BCAS3: variants seen among roughly 807,000 people sequenced by gnomAD.
BCAS3 encodes the protein BCAS3 microtubule associated cell migration factor, also known as BCAS4/BCAS3 fusion.
Under a neutral mutation model 116.1 loss-of-function variants are expected in BCAS3, and 53 were observed. That is an observed-to-expected ratio of 0.46 (90% confidence interval 0.37 to 0.57). The LOEUF is 0.57. Among genes scored for constraint, BCAS3 ranks in the 20% least tolerant of loss-of-function variants. The probability of loss-of-function intolerance (pLI) is 0.00; values close to 1 mark genes in which losing one functional copy is unlikely to be tolerated. For synonymous variants in BCAS3, 391 were observed against 408.2 expected, an observed-to-expected ratio of 0.96 and a Z score of 0.51; for missense variants, 917 against 1,165.4, an observed-to-expected ratio of 0.79 and a Z score of 3.10.
At chr17:61,262,508 G>A (rs543079743) in intron 22 of BCAS3, among the ~76,000 whole-genome samples, 3 of 152,088 alleles carry the variant, frequency 2.0e-5, no homozygotes, top group Non-Finnish European at 4.4e-5. Flanking sequence ...AGCCTCCCAA[G>A]TAGCTGGGAT....
chr17:60,975,541 T>A (rs1175588658), intron 14 of BCAS3, among the ~76,000 whole-genome samples: 1 of 152,214 alleles, frequency 6.6e-6, no homozygotes, highest in Non-Finnish European at 1.5e-5. Context: ...GACAGATTTG[T>A]TGAGGTATAA....
intron 12 of BCAS3, among the ~76,000 whole-genome samples, chr17:60,913,413 A>G (rs1397406037): frequency 1.3e-5 from 2 of 152,054 alleles, no homozygotes; most frequent in Non-Finnish European, 2.9e-5. Flanking sequence ...AAATATATAT[A>G]ATTTGTAAAG....
rs2055563611 is a variant in BCAS3, at chr17:61,324,448, A to G, written c.2426-43879A>G. Among the ~76,000 whole-genome samples, 2 of 152,294 alleles carry G rather than the reference A, an allele frequency of 1.3e-5. No homozygotes were observed. The highest frequency in any genetic ancestry group is 2.4e-5 in the African/African-American group (1 of 41,558). On this transcript the variant is annotated intron_variant, in intron 22 of 23. Transcript: ENST00000407086. The surrounding 1 kb of genome is among the most constrained non-coding windows in gnomAD (Gnocchi z 4.6). ...TATGTGTGGTAGTATTAATATATGT[A>G]CATGTAATATTTGTGTGCGTTTAAT...
chr17:61,388,496 T>A lies in BCAS3; in HGVS notation c.2594-3481T>A. The A allele has an allele frequency of 1.2e-6, 1 of 850,854 alleles. No homozygotes were observed. The highest frequency in any genetic ancestry group is 2.5e-5 in the Admixed American group (1 of 39,298). The allele number at this position is 850,854 out of a possible 1,614,324, so 52.7% of individuals were successfully genotyped here. On this transcript the variant is annotated intron_variant, in intron 23 of 23. Coordinates refer to ENST00000407086, the MANE Select transcript of BCAS3 (RefSeq NM_017679.5). The surrounding 1 kb of genome is among the most constrained non-coding windows in gnomAD (Gnocchi z 6.5). The stretch of plus-strand genomic sequence containing the variant: ...GTCCTCCTTGACTGCAAACTCCCCC[T>A]CCTCACGGTGTGCCCCTGCGCCTCC...
chr17:60,906,875 T>C (rs1479143094), intron 11 of BCAS3, among the ~76,000 whole-genome samples: 1 of 152,218 alleles, frequency 6.6e-6, no homozygotes, highest in Non-Finnish European at 1.5e-5. Flanking sequence ...AGAAAAATAC[T>C]TAAGTAATTT....
At chr17:61,275,759 A>T (rs191483242) in intron 22 of BCAS3, among the ~76,000 whole-genome samples, 1 of 152,342 alleles carries the variant, frequency 6.6e-6, no homozygotes, top group Admixed American at 6.5e-5. Context: ...TGGCCAGCAC[A>T]TCAGTGACGG....
chr17:60,980,041 C>G (rs189294366), intron 14 of BCAS3, among the ~76,000 whole-genome samples: 1 of 152,008 alleles, frequency 6.6e-6, no homozygotes, highest in African/African-American at 2.4e-5. Flanking sequence ...CCCTCTTTTT[C>G]TATTGATTGG....
In BCAS3 at chr17:61,034,590, A is replaced by G; in HGVS notation, c.1638-76A>G. The G allele has an allele frequency of 7.3e-7, 1 of 1,369,086 alleles. No homozygotes were observed. Among genetic ancestry groups the G allele is most frequent in the Non-Finnish European group, 9.9e-7 (1 of 1,006,632 alleles). 84.8% of individuals were successfully genotyped at this position (1,369,086 alleles called of 1,614,324 possible). A position where few individuals can be genotyped will look rare whatever the true frequency, so the allele number is the denominator to read the frequency against. Reference sequence around the variant, plus strand: ...GGATTTGAATAGGGGTGGAATTTAAAGGAAAAACTGTCATTACCTAAAGGA... The same window carrying G: ...GGATTTGAATAGGGGTGGAATTTAAGGGAAAAACTGTCATTACCTAAAGGA... On this transcript the variant is annotated intron_variant, in intron 16 of 23. Transcript: ENST00000407086. This position sits in a 1 kb window ranked among gnomAD's most constrained non-coding sequence, Gnocchi z 5.0.
intron 5 of BCAS3, among the ~76,000 whole-genome samples, chr17:60,734,049 A>G (rs546521768): frequency 1.3e-4 from 20 of 152,170 alleles, no homozygotes; most frequent in African/African-American, 3.9e-4. Flanking sequence ...GGATGGTGCT[A>G]TTGGTGTATC....
intron 19 of BCAS3, among the ~76,000 whole-genome samples, chr17:61,050,074 C>G (rs943020455): frequency 6.6e-6 from 1 of 151,904 alleles, no homozygotes; most frequent in Non-Finnish European, 1.5e-5. Context: ...AACCATCAAC[C>G]CAGAATTATA....
At chr17:60,901,485 G>C (rs896499565) in intron 10 of BCAS3, among the ~76,000 whole-genome samples, 55 of 152,082 alleles carry the variant, frequency 3.6e-4, no homozygotes, top group Non-Finnish European at 1.9e-4. Context: ...CACATTTGAT[G>C]ATCACCTGAC....
chr17:61,250,723 G>C (rs2048308202), intron 22 of BCAS3, among the ~76,000 whole-genome samples: 1 of 152,148 alleles, frequency 6.6e-6, no homozygotes. Context: ...CTAGAAACCA[G>C]GCTTTTTTAA....
At chr17:60,933,491 T>C (rs747894) in intron 13 of BCAS3, among the ~76,000 whole-genome samples, 1 of 152,014 alleles carries the variant, frequency 6.6e-6, no homozygotes, top group Non-Finnish European at 1.5e-5. Context: ...GGAAAATGAG[T>C]GTTGAATCTC....
intron 22 of BCAS3, among the ~76,000 whole-genome samples, chr17:61,252,216 G>A (rs1377479610): frequency 6.6e-6 from 1 of 152,190 alleles, no homozygotes; most frequent in Non-Finnish European, 1.5e-5. Flanking sequence ...TGTAGTCTGT[G>A]TAGATTAACC....
At chr17:60,747,653 C>G (rs1161719823) in intron 6 of BCAS3, among the ~76,000 whole-genome samples, 1 of 152,018 alleles carries the variant, frequency 6.6e-6, no homozygotes, top group East Asian at 1.9e-4. Flanking sequence ...GCTTAGCTTT[C>G]TTCTGTGGGT....
chr17:61,101,986 T>C (rs2074357430), intron 22 of BCAS3, among the ~76,000 whole-genome samples: 1 of 152,172 alleles, frequency 6.6e-6, no homozygotes, highest in Non-Finnish European at 1.5e-5. Context: ...GGATGATACC[T>C]TTATCAGTTC....
intron 15 of BCAS3, among the ~76,000 whole-genome samples, chr17:60,991,393 A>G (rs922505836): frequency 1.3e-5 from 2 of 152,182 alleles, no homozygotes; most frequent in African/African-American, 4.8e-5. Flanking sequence ...TAATATGTAT[A>G]CTAATTTTTG....
intron 22 of BCAS3, among the ~76,000 whole-genome samples, chr17:61,195,824 A>C (rs1314622591): frequency 6.6e-6 from 1 of 152,198 alleles, no homozygotes; most frequent in African/African-American, 2.4e-5. Context: ...ACAGTTATGC[A>C]CAGATTAAAC....
rs749614716 is a variant in BCAS3, at chr17:61,260,603, AACTC to A, written c.2426-107721_2426-107718del. On this transcript the variant is annotated intron_variant, in intron 22 of 23. Coordinates refer to ENST00000407086, the MANE Select transcript of BCAS3 (RefSeq NM_017679.5). ...TCCCACCAGCTTTATTCTCTCCTGA[AACTC>A]ACGGGTAAAATTAGATGCTGGCTGG... Among the ~76,000 whole-genome samples, 40 of 152,300 alleles carry A rather than the reference AACTC, an allele frequency of 2.6e-4. 1 individual carries two copies. The highest frequency in any genetic ancestry group is 7.7e-4 in the East Asian group (4 of 5,190).
Sources: gnomAD v4.1 joint callset for allele counts (sites outside exome capture counted in the v4.1 genomes callset) on GRCh38, gnomAD v4.1.1 for gene constraint, Gnocchi (gnomAD v3.1) non-coding constraint, MANE v1.5 for transcripts, NCBI Gene and HGNC (gene_info 2026-07-23, HGNC 2026-07-21) for gene names.